Variants in ERC1 observed in about 807,000 individuals in gnomAD.
ERC1 encodes the protein ELKS/RAB6-interacting/CAST family member 1, also known as RAB6 interacting protein 2.
ERC1 carries 56 observed loss-of-function variants against 132.0 expected under a neutral mutation model. The ratio of observed to expected loss-of-function variants is 0.42; its 90% CI spans 0.34 to 0.53. ERC1 has a LOEUF of 0.53. Among genes scored for constraint, ERC1 ranks in the 20% least tolerant of loss-of-function variants. ERC1 has a pLI of 0.03. For synonymous variants in ERC1, 478 were observed against 476.1 expected, an observed-to-expected ratio of 1.00 and a Z score of -0.05; for missense variants, 1,202 against 1,349.9, an observed-to-expected ratio of 0.89 and a Z score of 1.72.
At chr12:1,148,301 G>T (rs1950553043) in intron 8 of ERC1, among the ~76,000 whole-genome samples, 1 of 152,110 alleles carries the variant, frequency 6.6e-6, no homozygotes, top group Non-Finnish European at 1.5e-5. Context: ...CGCTAGGGAG[G>T]CTTTGGGAAT....
At chr12:1,137,727 C>T (rs1949397959) in intron 7 of ERC1, among the ~76,000 whole-genome samples, 1 of 151,482 alleles carries the variant, frequency 6.6e-6, no homozygotes, top group Non-Finnish European at 1.5e-5. Flanking sequence ...GTGGCATGCA[C>T]CTGTAATCCC....
At chr12:1,440,708 T>C (rs2093126874) in intron 17 of ERC1, among the ~76,000 whole-genome samples, 1 of 147,520 alleles carries the variant, frequency 6.8e-6, no homozygotes, top group South Asian at 2.1e-4. Context: ...AGTGCAGTGG[T>C]GTGATCTCAG....
chr12:1,426,098 T>C (rs746550397), intron 17 of ERC1, among the ~76,000 whole-genome samples: 3 of 149,944 alleles, frequency 2.0e-5, no homozygotes, highest in Non-Finnish European at 4.4e-5. Flanking sequence ...CAGGGAGTTT[T>C]TAGATTTTTT....
At chr12:1,179,571 G>T in intron 8 of ERC1, among the ~76,000 whole-genome samples, 1 of 147,298 alleles carries the variant, frequency 6.8e-6, no homozygotes, top group Non-Finnish European at 1.5e-5. Flanking sequence ...GCAGTGGCGG[G>T]ATCTCGGCTC....
At chr12:1,361,098 CAA>C (rs760525917) in intron 15 of ERC1, among the ~76,000 whole-genome samples, 25 of 48,098 alleles carry the variant, frequency 5.2e-4, no homozygotes, top group African/African-American at 5.9e-4. Context: ...GGCTCTGTCT[CAA>C]AAAAAAAAAA....
chr12:993,342 A>G (rs1181980111), intron 1 of ERC1, among the ~76,000 whole-genome samples: 1 of 152,228 alleles, frequency 6.6e-6, no homozygotes, highest in Non-Finnish European at 1.5e-5. Flanking sequence ...TGACATTTGC[A>G]TGGCTGGTAG....
intron 18 of ERC1, among the ~76,000 whole-genome samples, chr12:1,485,360 A>C (rs961553244): frequency 6.6e-6 from 1 of 151,216 alleles, no homozygotes; most frequent in African/African-American, 2.4e-5. Flanking sequence ...GCCCGCCACC[A>C]CGCCTGGCTA....
rs76458233 is a variant in ERC1 at position 1,397,052 on chromosome 12, A to G, written c.2926-11097A>G. Reference sequence around the variant, plus strand: ...GTCACTACTTGTCTGGGAAGTTCCTACCTGAAGATCACAAAGAAAGAAATG... The same window carrying G: ...GTCACTACTTGTCTGGGAAGTTCCTGCCTGAAGATCACAAAGAAAGAAATG... On this transcript the variant is annotated intron_variant, in intron 16 of 18. Coordinates refer to ENST00000360905, the MANE Select transcript of ERC1 (RefSeq NM_178040.4). Among the ~76,000 whole-genome samples, 13 of 152,286 alleles carry G rather than the reference A, an allele frequency of 8.5e-5. No individual in the cohort carries two copies. In the East Asian group the frequency reaches 2.5e-3, roughly 29 times the overall value.
At chr12:1,164,305 TTA>T (rs149568933) in intron 8 of ERC1, among the ~76,000 whole-genome samples, 3,367 of 142,964 alleles carry the variant, frequency 0.024, 133 homozygotes, top group African/African-American at 0.078. Context: ...TTATTTTATT[TTA>T]TGTTATTTTA....
intron 7 of ERC1, among the ~76,000 whole-genome samples, chr12:1,122,545 GTGTCTCT>G (rs1947607114): frequency 7.7e-4 from 6 of 7,812 alleles, no homozygotes; most frequent in Admixed American, 1.0e-3. Context: ...ATCTCTATCT[GTGTCTCT>G]ATCTCTATCT....
intron 17 of ERC1, among the ~76,000 whole-genome samples, chr12:1,441,388 A>G (rs1481382585): frequency 6.6e-6 from 1 of 152,300 alleles, no homozygotes; most frequent in East Asian, 1.9e-4. Flanking sequence ...AAGAATAAGG[A>G]TCTAAAAAGT....
intron 2 of ERC1, among the ~76,000 whole-genome samples, chr12:1,075,996 G>A (rs1941278658): frequency 1.3e-5 from 2 of 152,182 alleles, no homozygotes; most frequent in South Asian, 4.1e-4. Flanking sequence ...AAAGTTTTAT[G>A]AGTTTAGCTC....
At chr12:1,077,116 A>G (rs532623817) in intron 2 of ERC1, among the ~76,000 whole-genome samples, 46 of 152,346 alleles carry the variant, frequency 3.0e-4, no homozygotes, top group African/African-American at 1.1e-3. Context: ...CATTTGTAAA[A>G]GGGTACAATA....
chr12:1,043,712 A>G (rs1452428737), intron 2 of ERC1, among the ~76,000 whole-genome samples: 1 of 152,202 alleles, frequency 6.6e-6, no homozygotes, highest in Admixed American at 6.5e-5. Context: ...AACTAAATAA[A>G]TGTGTGTAAG....
At position 1,181,798 on chromosome 12, in the gene ERC1, AGTG is replaced by A. The variant is rs1954501418; in HGVS notation, c.1876-125_1876-123del. 3 of 1,013,286 alleles carry A rather than the reference AGTG, an allele frequency of 3.0e-6. No individual in the cohort carries two copies. The South Asian group carries it at 6.5e-5, about 22-fold the overall frequency. The allele number at this position is 1,013,286 out of a possible 1,614,324, so 62.8% of individuals were successfully genotyped here. On this transcript the variant is annotated intron_variant, in intron 9 of 18. Transcript: ENST00000360905. The stretch of plus-strand genomic sequence containing the variant: ...AACTCTGTCTCAAAAAAAAAAAAAA[AGTG>A]GATTCTTTAAAAACTTACCATTGTC...
intron 4 of ERC1, among the ~76,000 whole-genome samples, chr12:1,106,266 A>T (rs2154200268): frequency 6.6e-6 from 1 of 152,346 alleles, no homozygotes; most frequent in East Asian, 1.9e-4. Flanking sequence ...TTCAATCCAT[A>T]CTAGCTGTTG....
intron 3 of ERC1, among the ~76,000 whole-genome samples, chr12:1,104,147 T>C (rs892956751): frequency 2.0e-5 from 3 of 151,446 alleles, no homozygotes; most frequent in Non-Finnish European, 4.4e-5. Flanking sequence ...AAAAAAGCTA[T>C]GTTTTTCTGA....
At chr12:1,282,566 A>C (rs531368623) in intron 14 of ERC1, among the ~76,000 whole-genome samples, 45 of 152,348 alleles carry the variant, frequency 3.0e-4, no homozygotes, top group African/African-American at 1.0e-3. Flanking sequence ...TTTCTAGTGT[A>C]AATGATAGCC....
chr12:1,271,883 C>A (rs1435757951), intron 14 of ERC1, among the ~76,000 whole-genome samples: 1 of 152,182 alleles, frequency 6.6e-6, no homozygotes, highest in East Asian at 1.9e-4. Flanking sequence ...GAGAGGACTT[C>A]TTTGTAATCT....
Sources: allele counts gnomAD v4.1 joint callset (sites outside exome capture counted in the v4.1 genomes callset), GRCh38; gene constraint gnomAD v4.1.1; transcripts MANE v1.5; gene names NCBI Gene and HGNC (gene_info 2026-07-23, HGNC 2026-07-21).